Variants in HMG20A observed in about 807,000 individuals in gnomAD.
HMG20A encodes high mobility group protein 20A.
HMG20A carries 17 observed loss-of-function variants against 43.9 expected under a neutral mutation model. The ratio of observed to expected loss-of-function variants is 0.39; its 90% CI spans 0.27 to 0.58. The LOEUF (loss-of-function observed/expected upper bound fraction) is 0.58, where lower values mean the gene tolerates loss of function less well. HMG20A is among the 20% of genes least tolerant of loss of function. The pLI is 0.59. For missense variants in HMG20A, 341 were observed against 438.2 expected (o/e 0.78, Z 1.98); for synonymous variants, 132 against 147.5 (o/e 0.89, Z 0.76).
chr15:77,464,688 G>C (rs570162417), intron 3 of HMG20A: 40 of 274,670 alleles, frequency 1.5e-4, no homozygotes, highest in African/African-American at 8.6e-4. Flanking sequence ...CTAATGAGAA[G>C]TGTACATGCC....
chr15:77,465,685 G>A (rs879341454), intron 3 of HMG20A, among the ~76,000 whole-genome samples: 6 of 152,104 alleles, frequency 3.9e-5, no homozygotes, highest in Admixed American at 2.0e-4. Flanking sequence ...GTGAACCACC[G>A]TGCCAGCCCA....
the HMG20A span, among the ~76,000 whole-genome samples, chr15:77,501,736 C>G: frequency 6.6e-6 from 1 of 152,224 alleles, no homozygotes; most frequent in Non-Finnish European, 1.5e-5. Flanking sequence ...CCAGACCCTT[C>G]CTCCTTCAGT....
At chr15:77,489,129 G>T (rs1371101262), downstream of HMG20A, among the ~76,000 whole-genome samples, 2 of 152,182 alleles carry the variant, frequency 1.3e-5, no homozygotes, top group East Asian at 3.8e-4. Flanking sequence ...TTAGAATAGT[G>T]CCTCTCATAG....
the HMG20A span, among the ~76,000 whole-genome samples, chr15:77,508,047 A>G: frequency 6.6e-6 from 1 of 152,176 alleles, no homozygotes; most frequent in Non-Finnish European, 1.5e-5. Flanking sequence ...CTACGCACAC[A>G]GTCTCCAGGC....
chr15:77,504,692 G>A, the HMG20A span, among the ~76,000 whole-genome samples: 4 of 152,200 alleles, frequency 2.6e-5, no homozygotes, highest in African/African-American at 7.2e-5. Flanking sequence ...TGGAGGGGCA[G>A]CGCTGAAAGA....
At chr15:77,425,928 T>G (rs1274058390) in intron 1 of HMG20A, among the ~76,000 whole-genome samples, 2 of 152,196 alleles carry the variant, frequency 1.3e-5, no homozygotes, top group African/African-American at 4.8e-5. Context: ...CAATGGAATA[T>G]TATTCAGCAA....
chr15:77,461,176 G>A (rs1302602456), intron 2 of HMG20A, among the ~76,000 whole-genome samples: 2 of 152,126 alleles, frequency 1.3e-5, no homozygotes, highest in African/African-American at 4.8e-5. Context: ...GGTAAGATGG[G>A]GGCTGAGAAA....
chr15:77,421,166 C>G (rs2073321143), intron 1 of HMG20A, 162 bp downstream of exon 1: 1 of 368,938 alleles, frequency 2.7e-6, no homozygotes, highest in South Asian at 1.5e-4. Context: ...GGAAGGCCGT[C>G]CTGGGGAGGG....
At chr15:77,473,378 G>A (rs754673749) in intron 6 of HMG20A, among the ~76,000 whole-genome samples, 3 of 152,090 alleles carry the variant, frequency 2.0e-5, no homozygotes, top group Non-Finnish European at 4.4e-5. Flanking sequence ...CTTTGCCTGT[G>A]TGCCCAGCTA....
chr15:77,510,262 AG>A, the HMG20A span, among the ~76,000 whole-genome samples: 2 of 152,162 alleles, frequency 1.3e-5, no homozygotes, highest in Non-Finnish European at 1.5e-5. Flanking sequence ...CTCGGGAGGT[AG>A]GCTGGGTACA....
At chr15:77,496,809 G>C in the HMG20A span, among the ~76,000 whole-genome samples, 1 of 152,240 alleles carries the variant, frequency 6.6e-6, no homozygotes, top group Non-Finnish European at 1.5e-5. Flanking sequence ...CATTCCACAA[G>C]TGCTCTTGAG....
At chr15:77,464,694 A>G (rs969488997) in intron 3 of HMG20A, 11 of 243,056 alleles carry the variant, frequency 4.5e-5, no homozygotes, top group African/African-American at 2.5e-4. Context: ...AGAAGTGTAC[A>G]TGCCCTTGCT....
the HMG20A span, among the ~76,000 whole-genome samples, chr15:77,513,934 C>T: frequency 6.6e-6 from 1 of 152,152 alleles, no homozygotes; most frequent in Non-Finnish European, 1.5e-5. Flanking sequence ...CCATATTGGT[C>T]AGGATGGTCT....
chr15:77,489,338 A>C (rs1338959356), downstream of HMG20A, among the ~76,000 whole-genome samples: 1 of 152,248 alleles, frequency 6.6e-6, no homozygotes, highest in African/African-American at 2.4e-5. Flanking sequence ...TGACTTGTGC[A>C]GTTACAGAAC....
intron 1 of HMG20A, among the ~76,000 whole-genome samples, chr15:77,429,390 C>T (rs2073460689): frequency 6.6e-6 from 1 of 151,280 alleles, no homozygotes; most frequent in African/African-American, 2.4e-5. Flanking sequence ...TCTTTTCCAG[C>T]CTCAAAATTC....
At chr15:77,512,118 T>G in the HMG20A span, among the ~76,000 whole-genome samples, 1 of 152,180 alleles carries the variant, frequency 6.6e-6, no homozygotes, top group Non-Finnish European at 1.5e-5. Context: ...ACAGCTTGGA[T>G]AAAACTTGAA....
downstream of HMG20A, among the ~76,000 whole-genome samples, chr15:77,489,329 G>A (rs79715482): frequency 0.01 from 1,524 of 152,284 alleles, 31 homozygotes; most frequent in African/African-American, 0.035. Context: ...TCTGATAAGT[G>A]ACTTGTGCAG....
chr15:77,500,433 G>A, the HMG20A span, among the ~76,000 whole-genome samples: 3 of 152,050 alleles, frequency 2.0e-5, no homozygotes, highest in Non-Finnish European at 4.4e-5. Flanking sequence ...TCTTCAGCAG[G>A]GTGCAAGGGC....
chr15:77,434,857 C>T (rs958673492), intron 1 of HMG20A, among the ~76,000 whole-genome samples: 2 of 152,138 alleles, frequency 1.3e-5, no homozygotes, highest in African/African-American at 4.8e-5. Flanking sequence ...TGATCATACA[C>T]CCTCTGACCC....
Sources: allele counts gnomAD v4.1 joint callset (sites outside exome capture counted in the v4.1 genomes callset), GRCh38; gene constraint gnomAD v4.1.1; transcripts MANE v1.5; gene names NCBI Gene and HGNC (gene_info 2026-07-23, HGNC 2026-07-21).